Variants in DMD observed in about 807,000 individuals in gnomAD.
The protein encoded by DMD is mutant dystrophin.
DMD carries 63 observed loss-of-function variants against 330.1 expected under a neutral mutation model. The ratio of observed to expected loss-of-function variants is 0.19; its 90% CI spans 0.16 to 0.24. DMD has a LOEUF of 0.24. DMD is among the 10% of genes least tolerant of loss of function. DMD has a pLI of 1.00. For synonymous variants in DMD, 1,223 were observed against 959.8 expected, an observed-to-expected ratio of 1.27 and a Z score of -5.07; for missense variants, 3,344 against 2,684.1, an observed-to-expected ratio of 1.25 and a Z score of -5.43.
At chrX:31,422,400 C>T (rs1310375787) in intron 60 of DMD, among the ~76,000 whole-genome samples, 3 of 111,432 alleles carry the variant, frequency 2.7e-5, no homozygotes, top group African/African-American at 9.8e-5. Flanking sequence ...TAACTTCCTA[C>T]TCTATGTTTA....
intron 59 of DMD, among the ~76,000 whole-genome samples, chrX:31,457,508 C>T (rs1395347879): frequency 9.0e-6 from 1 of 111,415 alleles, no homozygotes; most frequent in Non-Finnish European, 1.9e-5. Context: ...AATAACTAGG[C>T]TTATAAAGAA....
At chrX:31,619,076 A>G (rs2078380550) in intron 55 of DMD, among the ~76,000 whole-genome samples, 1 of 111,333 alleles carries the variant, frequency 9.0e-6, no homozygotes, top group African/African-American at 3.3e-5. Flanking sequence ...CATAGTAACT[A>G]TTTTAAAAAG....
At chrX:31,169,327 TA>T (rs1415228618) in intron 74 of DMD, 115 bp downstream of exon 74, 2 of 567,550 alleles carry the variant, frequency 3.5e-6, no homozygotes, top group African/African-American at 4.6e-5. Context: ...CTAAACAGAT[TA>T]TTTTAGAAAA....
At chrX:32,661,059 C>T (rs1408501646) in intron 9 of DMD, among the ~76,000 whole-genome samples, 1 of 110,869 alleles carries the variant, frequency 9.0e-6, no homozygotes, top group African/African-American at 3.3e-5. Context: ...CCATATATTA[C>T]ATCAAATTAT....
chrX:33,309,044 T>C (rs1000962801), intron 1 of DMD, among the ~76,000 whole-genome samples: 4 of 111,644 alleles, frequency 3.6e-5, no homozygotes, highest in Non-Finnish European at 5.7e-5. Flanking sequence ...TAAAGGATAA[T>C]TGAATCCAAA....
intron 44 of DMD, among the ~76,000 whole-genome samples, chrX:32,117,666 C>A (rs2096616774): frequency 8.9e-6 from 1 of 112,148 alleles, no homozygotes; most frequent in African/African-American, 3.2e-5. Flanking sequence ...AATTTTAGGT[C>A]AAATTCCCAG....
intron 44 of DMD, among the ~76,000 whole-genome samples, chrX:31,969,047 C>CAA (rs1212941253): frequency 4.5e-5 from 5 of 111,143 alleles, no homozygotes; most frequent in African/African-American, 1.3e-4. Flanking sequence ...CTGTCTGCGT[C>CAA]AATGTATTTT....
intron 44 of DMD, among the ~76,000 whole-genome samples, chrX:31,976,373 G>C (rs1001883467): frequency 1.3e-4 from 14 of 111,094 alleles, no homozygotes; most frequent in Non-Finnish European, 2.3e-4. Flanking sequence ...TTTATGATGT[G>C]AGTTTTGCTC....
At chrX:32,166,690 C>A (rs991013585) in intron 44 of DMD, among the ~76,000 whole-genome samples, 1 of 111,154 alleles carries the variant, frequency 9.0e-6, no homozygotes, top group Non-Finnish European at 1.9e-5. Context: ...AGTCACTCTA[C>A]AAATATTTGA....
Position 31,968,507 on chromosome X carries a change from T to C in DMD, c.6446A>G (p.Gln2149Arg), listed in dbSNP as rs1351380974. 8.3e-7 allele frequency: 1 copy of C among 1,210,449 alleles called. No homozygotes were observed. The highest frequency in any genetic ancestry group is 1.1e-6 in the Non-Finnish European group (1 of 894,575). Residue 2149 changes from glutamine (Q) to arginine (R), a missense_variant, in exon 45 of 79, where the codon CAG becomes CGG. Physicochemically the swap from Gln to Arg is conservative, Grantham distance 43 (BLOSUM62 1). Coordinates refer to ENST00000357033, the MANE Select transcript of DMD (RefSeq NM_004006.3). ...AGTTTGCCGCTGCCCAATGCCATCC[T>C]GGAGTTCCTGTAAGATACCAAAAAG... The part of the protein sequence containing the change: ...AKYKWYLKEL[Q>R]DGIGQRQTVV...
intron 52 of DMD, among the ~76,000 whole-genome samples, chrX:31,684,282 T>A (rs2082552345): frequency 8.9e-6 from 1 of 112,159 alleles, no homozygotes; most frequent in South Asian, 3.7e-4. Context: ...AGAAGTTTTT[T>A]CCCAAATATG....
intron 30 of DMD, among the ~76,000 whole-genome samples, chrX:32,391,877 T>C (rs1179459332): frequency 2.7e-5 from 3 of 111,993 alleles, no homozygotes; most frequent in Non-Finnish European, 5.6e-5. Flanking sequence ...AGAGGGGTTA[T>C]GGCTAGGGCC....
At position 31,252,396 on chromosome X, in the gene DMD, G is replaced by A. The variant is rs1232098262; in HGVS notation, c.9286+8559C>T. Among the ~76,000 whole-genome samples, 4 of 112,083 alleles carry A rather than the reference G, an allele frequency of 3.6e-5. No individual in the cohort carries two copies. The South Asian group carries it at 1.5e-3, about 42-fold the overall frequency. ...TTTGAGAACAGAGAACTCGGAGTTTGTAAAATGTGTGTTCTGGACTTGGTT... is the reference window on the plus strand; with the variant it reads ...TTTGAGAACAGAGAACTCGGAGTTTATAAAATGTGTGTTCTGGACTTGGTT... On this transcript the variant is annotated intron_variant, in intron 63 of 78. Transcript: ENST00000357033.
chrX:31,422,028 C>CACAT (rs1556630664), intron 60 of DMD, among the ~76,000 whole-genome samples: 3 of 5,860 alleles, frequency 5.1e-4, no homozygotes, highest in African/African-American at 9.0e-4. Flanking sequence ...AACACACACA[C>CACAT]ATATATATAT....
At chrX:32,687,220 C>T (rs764664787) in intron 9 of DMD, among the ~76,000 whole-genome samples, 1 of 112,117 alleles carries the variant, frequency 8.9e-6, no homozygotes, top group South Asian at 3.7e-4. Flanking sequence ...GTACAGTCAT[C>T]AGTAAGTAGA....
Position 31,147,269 on chromosome X carries a change from C to T in DMD, c.10797+6G>A, listed in dbSNP as rs965185463. 3.3e-6 allele frequency: 4 copies of T among 1,208,882 alleles called. No homozygotes were observed. The African/African-American group carries it at 7.0e-5, about 21-fold the overall frequency. On this transcript the variant is annotated splice_donor_region_variant and intron_variant, in intron 75 of 78. Coordinates refer to ENST00000357033, the MANE Select transcript of DMD (RefSeq NM_004006.3). ...ATGTTTGTAAAAATCCCATCTCTCTCCTCACTTGCTCCAGCAGCTGCCTTA... is the reference window on the plus strand; with the variant it reads ...ATGTTTGTAAAAATCCCATCTCTCTTCTCACTTGCTCCAGCAGCTGCCTTA...
Position 31,589,720 on chromosome X carries a change from T to C in DMD, c.8217+37953A>G, listed in dbSNP as rs901403816. On this transcript the variant is annotated intron_variant, in intron 55 of 78. Transcript: ENST00000357033. The stretch of plus-strand genomic sequence containing the variant: ...TCAACTGTTTATAGTACCGGCTATA[T>C]TTGCCTAAAACACATTAAATAGATT... Among the ~76,000 whole-genome samples, 3 of 111,584 alleles carry C rather than the reference T, an allele frequency of 2.7e-5. 1 individual carries two copies. The highest frequency in any genetic ancestry group is 1.9e-4 in the Admixed American group (2 of 10,458).
intron 52 of DMD, among the ~76,000 whole-genome samples, chrX:31,694,841 C>A (rs752881513): frequency 2.8e-5 from 3 of 108,009 alleles, no homozygotes; most frequent in Non-Finnish European, 5.8e-5. Context: ...TTAGTAACGG[C>A]CTCCATAAAG....
At chrX:32,780,149 A>G (rs1230903103) in intron 7 of DMD, among the ~76,000 whole-genome samples, 2 of 111,777 alleles carry the variant, frequency 1.8e-5, no homozygotes, top group African/African-American at 6.5e-5. Context: ...AATATGCCTT[A>G]TGTTTCTAAT....
Sources: allele counts gnomAD v4.1 joint callset (sites outside exome capture counted in the v4.1 genomes callset), GRCh38; gene constraint gnomAD v4.1.1; transcripts MANE v1.5; gene names NCBI Gene and HGNC (gene_info 2026-07-23, HGNC 2026-07-21).